Variants in EMID1 observed in about 807,000 individuals in gnomAD.
The protein encoded by EMID1 is EMI domain-containing protein 1.
In EMID1, 40 loss-of-function variants were observed where a neutral mutation model predicts 60.6. The observed-to-expected ratio is 0.66, with a 90% CI of 0.51 to 0.86. The LOEUF (loss-of-function observed/expected upper bound fraction) is 0.86. Ranked by LOEUF, EMID1 falls within the 40% of genes least tolerant of loss-of-function variation. The pLI, the probability that EMID1 is intolerant of heterozygous loss-of-function variation, is 0.00. For missense variants in EMID1, 585 were observed against 597.1 expected, an observed-to-expected ratio of 0.98 and a Z score of 0.21; for synonymous variants, 242 against 231.0, an observed-to-expected ratio of 1.05 and a Z score of -0.43.
intron 3 of EMID1, among the ~76,000 whole-genome samples, chr22:29,220,719 C>T: frequency 6.6e-6 from 1 of 152,122 alleles, no homozygotes; most frequent in Non-Finnish European, 1.5e-5. Flanking sequence ...ATTGGAATCC[C>T]AGCCCCCCTC....
chr22:29,216,776 A>C, intron 3 of EMID1: 2 of 590,126 alleles, frequency 3.4e-6, no homozygotes, highest in African/African-American at 2.0e-5. Flanking sequence ...AGAACTCACC[A>C]CGCAGTGGGG....
chr22:29,258,559 G>A (rs989650291), intron 14 of EMID1, among the ~76,000 whole-genome samples: 2 of 152,204 alleles, frequency 1.3e-5, no homozygotes, highest in African/African-American at 4.8e-5. Context: ...TAAAGGAGGT[G>A]GGTGTGGTTA....
At chr22:29,231,860 T>C (rs1395252891) in intron 7 of EMID1, 178 bp downstream of exon 7, 2 of 609,702 alleles carry the variant, frequency 3.3e-6, no homozygotes, top group Admixed American at 3.3e-5. Flanking sequence ...TCCTCTCTTA[T>C]GTTCACTGAC....
At position 29,221,103 on chromosome 22, in the gene EMID1, G is replaced by C. The variant is rs1015702406; in HGVS notation, c.320-4030G>C. On this transcript the variant is annotated intron_variant, in intron 3 of 14. Transcript: ENST00000334018. ...TGTGTGTGTGTGTGTGTGTGTGTGT[G>C]TGTGTGTGTGTGTGTGTGTGTAGGG... 4.4e-5 allele frequency among the ~76,000 whole-genome samples: 6 copies of C among 135,092 alleles called. No homozygotes were observed. The South Asian group carries it at 1.5e-3, about 33-fold the overall frequency. 88.6% of individuals were successfully genotyped at this position (135,092 alleles called of 152,430 possible). A position where few individuals can be genotyped will look rare whatever the true frequency, so the allele number is the denominator to read the frequency against.
chr22:29,252,183 C>G (rs1481789926), intron 13 of EMID1, among the ~76,000 whole-genome samples: 1 of 152,098 alleles, frequency 6.6e-6, no homozygotes, highest in African/African-American at 2.4e-5. Flanking sequence ...TCGTGGTGAC[C>G]CTGGGACCCC....
chr22:29,230,963 T>A, intron 5 of EMID1, 57 bp from the exon 6 acceptor site: 1 of 1,555,780 alleles, frequency 6.4e-7, no homozygotes, highest in Non-Finnish European at 8.7e-7. Flanking sequence ...TCAAAAAAAA[T>A]AGGGAGGGGT....
chr22:29,230,228 G>C (rs181494131), intron 5 of EMID1, among the ~76,000 whole-genome samples: 2 of 152,188 alleles, frequency 1.3e-5, no homozygotes, highest in Admixed American at 1.3e-4. Flanking sequence ...AGTTACTCTG[G>C]AGGCTGAGGC....
In EMID1 at chr22:29,259,315, T is replaced by C; in HGVS notation, c.*371T>C. The C allele has an allele frequency of 8.5e-6, 2 of 236,282 alleles. No homozygotes were observed. The highest frequency in any genetic ancestry group is 1.6e-5 in the Non-Finnish European group (2 of 121,472). 14.6% of individuals were successfully genotyped at this position (236,282 alleles called of 1,614,324 possible). ...ATGACAGGGCAGGGGGCAGTCTTCC[T>C]CCCCCTCCCCGACCAAACCTCGGGG... On this transcript the variant is annotated 3_prime_UTR_variant, in exon 15 of 15. Coordinates refer to ENST00000334018, the MANE Select transcript of EMID1 (RefSeq NM_133455.4).
At chr22:29,217,390 A>G (rs893765211) in intron 3 of EMID1, among the ~76,000 whole-genome samples, 1 of 152,210 alleles carries the variant, frequency 6.6e-6, no homozygotes, top group South Asian at 2.1e-4. Context: ...TGGGTATGGG[A>G]TATCTGAGGC....
Position 29,231,386 on chromosome 22 carries a change from G to A in EMID1, c.587-207G>A, listed in dbSNP as rs1042094306. 2.4e-5 allele frequency: 20 copies of A among 816,754 alleles called. No individual in the cohort carries two copies. The African/African-American group carries it at 2.9e-4, about 12-fold the overall frequency. The allele number at this position is 816,754 out of a possible 1,614,324, so 50.6% of individuals were successfully genotyped here. A position where few individuals can be genotyped will look rare whatever the true frequency, so the allele number is the denominator to read the frequency against. On this transcript the variant is annotated intron_variant, in intron 6 of 14. Coordinates refer to ENST00000334018, the MANE Select transcript of EMID1 (RefSeq NM_133455.4). Reference sequence around the variant, plus strand: ...TGGAGGTCGGGGGGAGCTGGGAGTGGGGATTCTGGATGAGCCTCCCTCCTC... The same window carrying A: ...TGGAGGTCGGGGGGAGCTGGGAGTGAGGATTCTGGATGAGCCTCCCTCCTC...
chr22:29,241,065 G>A (rs1183081053), intron 12 of EMID1, among the ~76,000 whole-genome samples: 1 of 152,032 alleles, frequency 6.6e-6, no homozygotes, highest in Admixed American at 6.6e-5. Context: ...GCCTTGTAGA[G>A]CTCCTTGAGG....
rs1002938243 is a variant in EMID1 at position 29,210,862 on chromosome 22, C to T, written c.102-4064C>T. ...TTGTCCACGTGTGTGTGTGTGAGGG[C>T]AGATGGCTCTGTGCGTGCCTGTATA... On this transcript the variant is annotated intron_variant, in intron 1 of 14. Transcript: ENST00000334018. Among the ~76,000 whole-genome samples the T allele has an allele frequency of 2.0e-5, 3 of 152,108 alleles. No homozygotes were observed. The South Asian group carries it at 6.2e-4, about 32-fold the overall frequency.
At chr22:29,223,567 A>G (rs1042818971) in intron 3 of EMID1, among the ~76,000 whole-genome samples, 2 of 152,202 alleles carry the variant, frequency 1.3e-5, no homozygotes, top group Non-Finnish European at 2.9e-5. Context: ...AACCAAAAAA[A>G]GAAATCTGGC....
chr22:29,221,007 T>C (rs544919044), intron 3 of EMID1, among the ~76,000 whole-genome samples: 2 of 146,810 alleles, frequency 1.4e-5, no homozygotes, highest in East Asian at 4.2e-4. Context: ...GAAGGCTTCC[T>C]GGAGGAGGTG....
intron 10 of EMID1, 153 bp from the exon 11 acceptor site, chr22:29,233,984 G>A (rs1371251682): frequency 1.2e-6 from 1 of 801,690 alleles, no homozygotes; most frequent in Non-Finnish European, 1.9e-6. Context: ...TTAACACTGA[G>A]CTGTATGAAC....
chr22:29,251,361 C>T (rs1019568039), intron 13 of EMID1, among the ~76,000 whole-genome samples: 2 of 148,820 alleles, frequency 1.3e-5, no homozygotes, highest in Non-Finnish European at 3.0e-5. Flanking sequence ...GGATTACAGA[C>T]GTGAGCCACT....
chr22:29,255,159 G>C (rs906066183), intron 14 of EMID1: 2 of 638,988 alleles, frequency 3.1e-6, no homozygotes, highest in Non-Finnish European at 5.1e-6. Context: ...TCACTCCCAG[G>C]CTCCTGCCCT....
intron 12 of EMID1, among the ~76,000 whole-genome samples, chr22:29,240,248 G>A (rs1358575059): frequency 6.6e-6 from 1 of 152,168 alleles, no homozygotes; most frequent in Non-Finnish European, 1.5e-5. Flanking sequence ...GAGGGAGTTA[G>A]AGTTGGATAT....
At chr22:29,250,767 T>TTAG (rs2041499927) in intron 13 of EMID1, among the ~76,000 whole-genome samples, 2 of 107,884 alleles carry the variant, frequency 1.9e-5, no homozygotes. Flanking sequence ...TTTTTTTTTT[T>TTAG]TAGTAGTAGT....
Sources: gnomAD v4.1 joint callset for allele counts (sites outside exome capture counted in the v4.1 genomes callset) on GRCh38, gnomAD v4.1.1 for gene constraint, MANE v1.5 for transcripts, NCBI Gene and HGNC (gene_info 2026-07-23, HGNC 2026-07-21) for gene names.